The following NFATC2 variants were observed in gnomAD, a reference collection of about 807,000 sequenced individuals.
NFATC2 encodes the protein nuclear factor of activated T cells 2, also known as nuclear factor of activated T-cells, cytoplasmic 2.
In NFATC2, 22 loss-of-function variants were observed where a neutral mutation model predicts 87.3. That is an observed-to-expected ratio of 0.25 (90% CI 0.18 to 0.36). The LOEUF (loss-of-function observed/expected upper bound fraction) is 0.36, where lower values mean the gene tolerates loss of function less well. NFATC2 is among the 10% of genes least tolerant of loss of function. NFATC2 has a pLI of 1.00. For synonymous variants in NFATC2, 565 were observed against 542.2 expected (o/e 1.04, Z -0.58); for missense variants, 1,149 against 1,259.1 (o/e 0.91, Z 1.32).
intron 9 of NFATC2, among the ~76,000 whole-genome samples, chr20:51,426,117 A>AT: frequency 6.6e-6 from 1 of 152,006 alleles, no homozygotes; most frequent in South Asian, 2.1e-4. Flanking sequence ...AGAGTAGCCC[A>AT]TTTTTTCTCC....
At chr20:51,474,831 C>T (rs1228970315) in intron 4 of NFATC2, among the ~76,000 whole-genome samples, 2 of 152,118 alleles carry the variant, frequency 1.3e-5, no homozygotes, top group African/African-American at 4.8e-5. Context: ...CTCTCTGCAT[C>T]ATCACTTAAT....
At chr20:51,446,495 C>T (rs1985072409) in intron 6 of NFATC2, among the ~76,000 whole-genome samples, 1 of 152,136 alleles carries the variant, frequency 6.6e-6, no homozygotes, top group Non-Finnish European at 1.5e-5. Flanking sequence ...AAAATCCAGC[C>T]TTTGAAGTGG....
intron 6 of NFATC2, among the ~76,000 whole-genome samples, chr20:51,448,190 A>T (rs75381697): frequency 0.024 from 3,639 of 152,288 alleles, 137 homozygotes; most frequent in African/African-American, 0.082. Flanking sequence ...CAACAGCGCT[A>T]AGTGCCCCCA....
chr20:51,391,697 G>C (rs1986370227), intron 10 of NFATC2, among the ~76,000 whole-genome samples: 1 of 152,030 alleles, frequency 6.6e-6, no homozygotes, highest in African/African-American at 2.4e-5. Context: ...TAAATTTTTA[G>C]TAGGGACAGG....
intron 6 of NFATC2, among the ~76,000 whole-genome samples, chr20:51,445,121 A>C (rs199733830): frequency 6.6e-6 from 1 of 150,698 alleles, no homozygotes; most frequent in African/African-American, 2.4e-5. Flanking sequence ...CTGCTCAAAA[A>C]CCTCCAACAA....
rs767421441 is a variant in NFATC2, at chr20:51,398,643, CT to C, written c.*43del. On this transcript the variant is annotated splice_region_variant and 3_prime_UTR_variant, in exon 10 of 11. Transcript: ENST00000371564. ...AGGAGAAGCAGAAGATATCGATTAC[CT>C]TTAACTTTGATTTCTCGGATCAAAG... The C allele has an allele frequency of 3.1e-6, 5 of 1,600,320 alleles. No individual in the cohort carries two copies. Among genetic ancestry groups the C allele is most frequent in the Non-Finnish European group, 3.4e-6 (4 of 1,171,332 alleles).
At position 51,480,819 on chromosome 20, in the gene NFATC2, G is replaced by A. The variant is rs1049238431; in HGVS notation, c.1333-5159C>T. On this transcript the variant is annotated intron_variant, in intron 3 of 10. Coordinates refer to ENST00000371564, the MANE Select transcript of NFATC2 (RefSeq NM_012340.5). This position sits in a 1 kb window ranked among gnomAD's most constrained non-coding sequence, Gnocchi z 4.2. ...AGCACACGGTAGGTACCCATGAAAC[G>A]AGAACTTTCCTTGTCATCGGAGGAT... is the stretch of plus-strand genomic sequence containing the variant. 2.2e-4 allele frequency among the ~76,000 whole-genome samples: 33 copies of A among 152,186 alleles called. No homozygotes were observed. The highest frequency in any genetic ancestry group is 4.3e-4 in the African/African-American group (18 of 41,448).
chr20:51,479,219 T>C (rs563389728), intron 3 of NFATC2, among the ~76,000 whole-genome samples: 5 of 152,370 alleles, frequency 3.3e-5, no homozygotes, highest in African/African-American at 1.2e-4. Context: ...AGTTATTTGC[T>C]GAACACCTCT....
At chr20:51,436,688 C>T (rs1983625084) in intron 6 of NFATC2, among the ~76,000 whole-genome samples, 1 of 151,590 alleles carries the variant, frequency 6.6e-6, no homozygotes, top group Non-Finnish European at 1.5e-5. Flanking sequence ...GCACTCCAGA[C>T]TGGGCGACAG....
chr20:51,402,336 C>A, intron 9 of NFATC2, among the ~76,000 whole-genome samples: 1 of 152,220 alleles, frequency 6.6e-6, no homozygotes, highest in Admixed American at 6.5e-5. Context: ...TCTAAAGTAG[C>A]AACCACAGGC....
intron 1 of NFATC2, among the ~76,000 whole-genome samples, chr20:51,548,991 A>G (rs547939080): frequency 3.9e-5 from 6 of 152,310 alleles, no homozygotes; most frequent in South Asian, 2.1e-4. Flanking sequence ...CTACCTGCAC[A>G]TGTTGCTTAA....
rs537513718 is a variant in NFATC2, at chr20:51,542,455, G to A, written c.45C>T (p.Ala15=). The change falls in exon 1 of 11, where the codon GCC becomes GCT. Residue 15 remains alanine, a synonymous_variant. Transcript: ENST00000371564. ...GGCTGCCCCCAGGCTCGTGGCCTGGGGCGTCCCCGCCGTCGGGTTGGGGCT... is the reference window on the plus strand; with the variant it reads ...GGCTGCCCCCAGGCTCGTGGCCTGGAGCGTCCCCGCCGTCGGGTTGGGGCT... The part of the protein sequence containing the change: ...ERQPQPDGGD[A]PGHEPGGSPQ... The A allele has an allele frequency of 1.3e-6, 2 of 1,575,588 alleles. No individual in the cohort carries two copies. The highest frequency in any genetic ancestry group is 1.7e-6 in the Non-Finnish European group (2 of 1,164,786).
At position 51,398,784 on chromosome 20, in the gene NFATC2, ATC is replaced by A. The variant is rs1039089493; in HGVS notation, c.2723-56_2723-55del. 51 of 1,252,506 alleles carry A rather than the reference ATC, an allele frequency of 4.1e-5. No homozygotes were observed. The African/African-American group carries it at 6.8e-4, about 17-fold the overall frequency. 77.6% of individuals were successfully genotyped at this position (1,252,506 alleles called of 1,614,324 possible). On this transcript the variant is annotated intron_variant, in intron 9 of 10. Transcript: ENST00000371564. ...AGAAGAAAAAAAAAAATCACCTTTG[ATC>A]TCTCTTACGCTTCCAACTCATGCCG...
intron 9 of NFATC2, among the ~76,000 whole-genome samples, chr20:51,421,086 A>AAT (rs990884629): frequency 4.6e-5 from 7 of 151,680 alleles, no homozygotes; most frequent in African/African-American, 1.7e-4. Context: ...AAAAAAAAAA[A>AAT]AACAAAAAAA....
At chr20:51,417,701 A>G (rs1251454814) in intron 9 of NFATC2, among the ~76,000 whole-genome samples, 1 of 152,274 alleles carries the variant, frequency 6.6e-6, no homozygotes. Flanking sequence ...AAGCTCTGCC[A>G]GCAGGGAGGC....
In NFATC2 at chr20:51,480,760, G is replaced by A. The variant is rs972121201; in HGVS notation, c.1333-5100C>T. ...ACCCTGCAGGCCTCTTCTGAAAGGCGAAATAAGGTGACCTTTGTTGGGCAC... is the reference window on the plus strand; with the variant it reads ...ACCCTGCAGGCCTCTTCTGAAAGGCAAAATAAGGTGACCTTTGTTGGGCAC... On this transcript the variant is annotated intron_variant, in intron 3 of 10. Coordinates refer to ENST00000371564, the MANE Select transcript of NFATC2 (RefSeq NM_012340.5). The surrounding 1 kb of genome is among the most constrained non-coding windows in gnomAD (Gnocchi z 4.2). Among the ~76,000 whole-genome samples the A allele has an allele frequency of 6.6e-6, 1 of 152,176 alleles. No homozygotes were observed. Among genetic ancestry groups the A allele is most frequent in the African/African-American group, 2.4e-5 (1 of 41,442 alleles).
At chr20:51,438,757 C>A (rs1983926059) in intron 6 of NFATC2, among the ~76,000 whole-genome samples, 1 of 152,204 alleles carries the variant, frequency 6.6e-6, no homozygotes, top group Non-Finnish European at 1.5e-5. Flanking sequence ...CCACTGACAG[C>A]CATAGAATTC....
upstream of NFATC2, among the ~76,000 whole-genome samples, chr20:51,545,654 A>AATGGAAGATGGATGCATGG (rs1414616827): frequency 6.6e-6 from 1 of 151,162 alleles, no homozygotes; most frequent in African/African-American, 2.4e-5. Context: ...TGGATGGGTG[A>AATGGAAGATGGATGCATGG]ATGGAAGATG....
chr20:51,507,134 G>C (rs1324354378), intron 3 of NFATC2, among the ~76,000 whole-genome samples: 1 of 152,254 alleles, frequency 6.6e-6, no homozygotes, highest in African/African-American at 2.4e-5. Context: ...ATGAATGAGT[G>C]AGTGGGTGAG....
Sources: gnomAD v4.1 joint callset for allele counts (sites outside exome capture counted in the v4.1 genomes callset) on GRCh38, gnomAD v4.1.1 for gene constraint, Gnocchi (gnomAD v3.1) non-coding constraint, MANE v1.5 for transcripts, NCBI Gene and HGNC (gene_info 2026-07-23, HGNC 2026-07-21) for gene names.